ARHGAP31: variants seen among roughly 807,000 people sequenced by gnomAD.
ARHGAP31 encodes rho GTPase-activating protein 31.
In ARHGAP31, 34 loss-of-function variants were observed where a neutral mutation model predicts 113.9. That is an observed-to-expected ratio of 0.30 (90% CI 0.23 to 0.40). ARHGAP31 has a LOEUF of 0.40. Ranked by LOEUF, ARHGAP31 falls within the 10% of genes least tolerant of loss-of-function variation. ARHGAP31 has a pLI of 1.00. For missense variants in ARHGAP31, 1,548 were observed against 1,767.1 expected (o/e 0.88, Z 2.22); for synonymous variants, 650 against 684.8 (o/e 0.95, Z 0.79).
chr3:119,345,328 G>A (rs2080046926), intron 1 of ARHGAP31, among the ~76,000 whole-genome samples: 1 of 152,102 alleles, frequency 6.6e-6, no homozygotes, highest in South Asian at 2.1e-4. Flanking sequence ...GTGTATTTAA[G>A]TGAAAGCGAG....
intron 1 of ARHGAP31, among the ~76,000 whole-genome samples, chr3:119,359,315 C>A (rs74614640): frequency 0.073 from 11,063 of 152,090 alleles, 553 homozygotes; most frequent in Admixed American, 0.16. Flanking sequence ...GCCACTGTGA[C>A]TGGCCTATAT....
At chr3:119,404,099 G>C (rs1286047308) in intron 10 of ARHGAP31, among the ~76,000 whole-genome samples, 1 of 152,160 alleles carries the variant, frequency 6.6e-6, no homozygotes, top group African/African-American at 2.4e-5. Flanking sequence ...TCATGGGCTG[G>C]TGTGGGTCAT....
chr3:119,353,991 A>AG (rs1242249758), intron 1 of ARHGAP31, among the ~76,000 whole-genome samples: 1 of 152,172 alleles, frequency 6.6e-6, no homozygotes, highest in Non-Finnish European at 1.5e-5. Flanking sequence ...CAGAGACCTG[A>AG]GGGCCCCGGC....
intron 10 of ARHGAP31, among the ~76,000 whole-genome samples, chr3:119,407,240 G>C (rs1387681760): frequency 6.6e-6 from 1 of 151,642 alleles, no homozygotes; most frequent in Non-Finnish European, 1.5e-5. Context: ...CCAGCTACTA[G>C]GGAAGTTGAG....
At chr3:119,342,909 A>G (rs947474252) in intron 1 of ARHGAP31, among the ~76,000 whole-genome samples, 1 of 152,000 alleles carries the variant, frequency 6.6e-6, no homozygotes, top group Admixed American at 6.6e-5. Flanking sequence ...AGATTATACC[A>G]TTGCACTCCA....
rs1214395480 is a variant in ARHGAP31, at chr3:119,419,776, CG to C, written c.*3515del. 1 of 152,126 alleles carries C rather than the reference CG, an allele frequency of 6.6e-6. No individual in the cohort carries two copies. Among genetic ancestry groups the C allele is most frequent in the Non-Finnish European group, 1.5e-5 (1 of 68,030 alleles). The allele number at this position is 152,126 out of a possible 1,614,324, so 9.4% of individuals were successfully genotyped here. ...CAATAGAACATCCCAGTGAGACACT[CG>C]GGTATTTGAGAACTTTGCTTGATTT... On this transcript the variant is annotated 3_prime_UTR_variant, in exon 12 of 12. Transcript: ENST00000264245.
intron 1 of ARHGAP31, among the ~76,000 whole-genome samples, chr3:119,312,238 C>CT (rs1559962862): frequency 6.6e-6 from 1 of 152,162 alleles, no homozygotes; most frequent in Non-Finnish European, 1.5e-5. Flanking sequence ...AGGGAATAAA[C>CT]TTTTTTCAGG....
intron 1 of ARHGAP31, among the ~76,000 whole-genome samples, chr3:119,338,997 G>A (rs1338766084): frequency 6.6e-6 from 1 of 152,256 alleles, no homozygotes; most frequent in Non-Finnish European, 1.5e-5. Flanking sequence ...TAGGTTAGCA[G>A]TTCAGAGTCA....
intron 1 of ARHGAP31, among the ~76,000 whole-genome samples, chr3:119,306,617 A>G (rs2079632701): frequency 6.6e-6 from 1 of 152,186 alleles, no homozygotes; most frequent in East Asian, 1.9e-4. Context: ...TCGATGGAGA[A>G]CATATGATTC....
chr3:119,330,022 A>C (rs748729570), intron 1 of ARHGAP31: 9 of 985,206 alleles, frequency 9.1e-6, no homozygotes, highest in Non-Finnish European at 1.1e-5. Flanking sequence ...TCCATTTGCC[A>C]GTTGCTTCAT....
chr3:119,400,816 A>G (rs573055589), intron 9 of ARHGAP31, among the ~76,000 whole-genome samples: 35 of 152,342 alleles, frequency 2.3e-4, no homozygotes, highest in Middle Eastern at 3.4e-3. Context: ...CAACTCGCGT[A>G]TCATCTCCAA....
At chr3:119,393,398 G>A in intron 7 of ARHGAP31, 69 bp from the exon 8 acceptor site, 3 of 1,578,908 alleles carry the variant, frequency 1.9e-6, no homozygotes, top group South Asian at 2.2e-5. Context: ...GGAATATTTG[G>A]TCTCAATTTA....
chr3:119,334,809 G>A (rs1000815789), intron 1 of ARHGAP31, among the ~76,000 whole-genome samples: 1 of 152,134 alleles, frequency 6.6e-6, no homozygotes, highest in Non-Finnish European at 1.5e-5. Context: ...GTGTAATGTT[G>A]CCCTTATTTT....
intron 3 of ARHGAP31, among the ~76,000 whole-genome samples, chr3:119,370,831 C>T (rs1415198049): frequency 6.6e-6 from 1 of 152,084 alleles, no homozygotes; most frequent in Non-Finnish European, 1.5e-5. Context: ...TATATTTTTA[C>T]ACTATTTTTT....
chr3:119,335,792 T>A (rs369929663), intron 1 of ARHGAP31, among the ~76,000 whole-genome samples: 3 of 152,200 alleles, frequency 2.0e-5, no homozygotes, highest in Non-Finnish European at 4.4e-5. Context: ...CTAGGGATTG[T>A]TCATGGTTCA....
chr3:119,322,410 C>A (rs111615352), intron 1 of ARHGAP31, among the ~76,000 whole-genome samples: 32 of 152,222 alleles, frequency 2.1e-4, no homozygotes, highest in Non-Finnish European at 1.6e-4. Flanking sequence ...GGATTTTGTT[C>A]GTGGACTTGC....
intron 1 of ARHGAP31, among the ~76,000 whole-genome samples, chr3:119,337,446 T>C (rs1010636779): frequency 6.6e-6 from 1 of 151,952 alleles, no homozygotes; most frequent in East Asian, 1.9e-4. Context: ...ACCCAAAGAG[T>C]GACCAGCACC....
Position 119,415,574 on chromosome 3 carries a change from C to A in ARHGAP31, c.3645C>A (p.Pro1215=). The A allele has an allele frequency of 1.2e-6, 2 of 1,614,148 alleles. No individual in the cohort carries two copies. Among genetic ancestry groups the A allele is most frequent in the Non-Finnish European group, 1.7e-6 (2 of 1,180,036 alleles). ...TTCAGTACACCCAGATCCCACAGCC[C>A]CTGCCCTCTCAGAGCTCAGGGGAGA... ...PKIQYTQIPQ[P]LPSQSSGENG... is the part of the protein sequence containing the mutation. The change falls in exon 12 of 12, where the codon CCC becomes CCA. Residue 1215 remains proline (P), a synonymous_variant. Coordinates refer to ENST00000264245, the MANE Select transcript of ARHGAP31 (RefSeq NM_020754.4).
intron 1 of ARHGAP31, among the ~76,000 whole-genome samples, chr3:119,295,986 A>G (rs2079530774): frequency 6.6e-6 from 1 of 152,244 alleles, no homozygotes; most frequent in African/African-American, 2.4e-5. Context: ...AGCGAGAGGA[A>G]AATAGCCTAC....
Sources: gnomAD v4.1 joint callset for allele counts (sites outside exome capture counted in the v4.1 genomes callset) on GRCh38, gnomAD v4.1.1 for gene constraint, MANE v1.5 for transcripts, NCBI Gene and HGNC (gene_info 2026-07-23, HGNC 2026-07-21) for gene names.